The following SDHA variants were observed in gnomAD, a reference collection of about 807,000 sequenced individuals.
SDHA encodes succinate dehydrogenase complex flavoprotein subunit A.
A neutral mutation model predicts 78.4 loss-of-function variants in SDHA; 48 were observed. The ratio of observed to expected loss-of-function variants is 0.61; its 90% CI spans 0.49 to 0.78. SDHA has a LOEUF of 0.78. SDHA is among the 30% of genes least tolerant of loss of function. The pLI is 0.00. For missense variants in SDHA, 680 were observed against 892.7 expected, an observed-to-expected ratio of 0.76 and a Z score of 3.04; for synonymous variants, 326 against 353.9, an observed-to-expected ratio of 0.92 and a Z score of 0.88.
intron 5 of SDHA, chr5:227,766 A>C (rs192207144): frequency 0.19 from 49,515 of 265,802 alleles, 7,969 homozygotes; most frequent in African/African-American, 0.52. Context: ...GGTGTAGCTG[A>C]AGAGCTGAAT....
At chr5:254,050 A>AAAT (rs1554002382) in intron 13 of SDHA, among the ~76,000 whole-genome samples, 1 of 147,028 alleles carries the variant, frequency 6.8e-6, no homozygotes, top group Admixed American at 6.8e-5. Context: ...CAAAAAAAAA[A>AAAT]TTTTTTTTTA....
chr5:224,566 C>T (rs373601972), intron 3 of SDHA, 45 bp downstream of exon 3: 190 of 1,600,420 alleles, frequency 1.2e-4, no homozygotes, highest in Non-Finnish European at 1.5e-4. Context: ...GTGCAGGTCC[C>T]GCGCAGCCTC....
chr5:218,583 C>T (rs1177862743), intron 1 of SDHA, among the ~76,000 whole-genome samples, 165 bp downstream of exon 1: 2 of 152,202 alleles, frequency 1.3e-5, no homozygotes, highest in Admixed American at 6.5e-5. Context: ...CGAGGGGAAG[C>T]CGCGGGGCGG....
chr5:235,117 G>T, intron 8 of SDHA, 27 bp from the exon 9 acceptor site: 1 of 1,610,426 alleles, frequency 6.2e-7, no homozygotes, highest in Non-Finnish European at 8.5e-7. Flanking sequence ...GTTCTCTGCC[G>T]TATGTGATGG....
downstream of SDHA, among the ~76,000 whole-genome samples, chr5:258,207 GCCAGAGCATTACCGTGAGCTCCGC>G: frequency 8.0e-6 from 1 of 124,576 alleles, no homozygotes; most frequent in Non-Finnish European, 1.6e-5. Context: ...TCCACCCCCT[GCCAGAGCATTACCGTGAGCTCCGC>G]CCCCTGTCAG....
intron 11 of SDHA, among the ~76,000 whole-genome samples, chr5:244,009 T>C (rs902671828): frequency 2.0e-5 from 3 of 152,118 alleles, no homozygotes; most frequent in Non-Finnish European, 4.4e-5. Context: ...CTGAAATATG[T>C]CCAAAATGTA....
chr5:258,763 GC>G (rs1162052914), downstream of SDHA, among the ~76,000 whole-genome samples: 1 of 92,648 alleles, frequency 1.1e-5, no homozygotes, highest in Non-Finnish European at 1.9e-5. Context: ...TGTGAGCTCC[GC>G]CCCCCGCCAC....
chr5:252,842 T>A (rs1561012712), intron 13 of SDHA, among the ~76,000 whole-genome samples: 1 of 150,578 alleles, frequency 6.6e-6, no homozygotes, highest in East Asian at 1.9e-4. Context: ...TGCCAGTTTA[T>A]TAACAAGTAA....
intron 10 of SDHA, among the ~76,000 whole-genome samples, chr5:238,641 A>G (rs1735937006): frequency 6.6e-6 from 1 of 152,130 alleles, no homozygotes; most frequent in Non-Finnish European, 1.5e-5. Flanking sequence ...AAGTGGTTAC[A>G]TGCGCCTATA....
chr5:268,523 A>T, the SDHA span, among the ~76,000 whole-genome samples: 4 of 152,194 alleles, frequency 2.6e-5, no homozygotes, highest in East Asian at 7.7e-4. Context: ...TTCAAGAGTC[A>T]GCCTTGCTGC....
chr5:241,742 T>G (rs1296771687), intron 11 of SDHA, among the ~76,000 whole-genome samples: 1 of 152,258 alleles, frequency 6.6e-6, no homozygotes, highest in Non-Finnish European at 1.5e-5. Context: ...CTATGTGGTG[T>G]TAGACACAGG....
chr5:236,318 C>T, intron 9 of SDHA, 110 bp from the exon 10 acceptor site: 1 of 1,146,620 alleles, frequency 8.7e-7, no homozygotes, highest in Non-Finnish European at 1.3e-6. Flanking sequence ...GCCACCACGC[C>T]TGGCCTACTT....
At position 240,468 on chromosome 5, in the gene SDHA, A is replaced by G. The variant is rs1736069297; in HGVS notation, c.1543A>G (p.Met515Val). 13 of 1,601,516 alleles carry G rather than the reference A, an allele frequency of 8.1e-6. No individual in the cohort carries two copies. Among genetic ancestry groups the G allele is most frequent in the Non-Finnish European group, 1.0e-5 (12 of 1,170,376 alleles). ...AAGAACATCGGAACTGCGACTCAGC[A>G]TGCAGAAGGTAAGAGCCTGGACTCG... ...SIRTSELRLS[M>V]QKSMQNHAAV... The change falls in exon 11 of 15, where the codon ATG (methionine) becomes GTG (valine). Residue 515 changes from methionine to valine, a missense_variant. Transcript: ENST00000264932.
the SDHA span, among the ~76,000 whole-genome samples, chr5:266,639 G>A: frequency 6.6e-6 from 1 of 152,168 alleles, no homozygotes; most frequent in Non-Finnish European, 1.5e-5. Context: ...AAATAATTGG[G>A]TCAATATAAA....
chr5:232,661 C>G (rs1369096729), intron 7 of SDHA, among the ~76,000 whole-genome samples: 2 of 151,744 alleles, frequency 1.3e-5, no homozygotes, highest in Non-Finnish European at 1.5e-5. Context: ...AGCATTGAAA[C>G]TTAGAAAATC....
chr5:237,876 G>T (rs1439255349), intron 10 of SDHA, among the ~76,000 whole-genome samples: 2 of 136,866 alleles, frequency 1.5e-5, no homozygotes, highest in African/African-American at 6.9e-5. Flanking sequence ...ACGCAGAGCT[G>T]GCGTCTCATC....
At chr5:242,812 T>C (rs1736229196) in intron 11 of SDHA, among the ~76,000 whole-genome samples, 1 of 152,184 alleles carries the variant, frequency 6.6e-6, no homozygotes, top group South Asian at 2.1e-4. Flanking sequence ...GGGACACGTG[T>C]GGGCTCTGGT....
chr5:267,306 T>C, the SDHA span, among the ~76,000 whole-genome samples: 1 of 152,168 alleles, frequency 6.6e-6, no homozygotes, highest in Non-Finnish European at 1.5e-5. Flanking sequence ...TGGAATTCTA[T>C]GGCGGGAATC....
At chr5:246,999 T>G (rs1419197292) in intron 11 of SDHA, among the ~76,000 whole-genome samples, 1 of 152,240 alleles carries the variant, frequency 6.6e-6, no homozygotes, top group Admixed American at 6.5e-5. Context: ...ACTGTTTCAA[T>G]TTTTGAAATT....
Sources: allele counts gnomAD v4.1 joint callset (sites outside exome capture counted in the v4.1 genomes callset), GRCh38; gene constraint gnomAD v4.1.1; transcripts MANE v1.5; gene names NCBI Gene and HGNC (gene_info 2026-07-23, HGNC 2026-07-21).